TRPM3: variants seen among roughly 807,000 people sequenced by gnomAD.
The protein encoded by TRPM3 is long transient receptor potential channel 3.
Under a neutral mutation model 181.2 loss-of-function variants are expected in TRPM3, and 77 were observed. The observed-to-expected ratio is 0.42, with a 90% confidence interval of 0.35 to 0.51. TRPM3 has a LOEUF of 0.51. Ranked by LOEUF, TRPM3 falls within the 20% of genes least tolerant of loss-of-function variation. TRPM3 has a pLI of 0.01. For synonymous variants in TRPM3, 745 were observed against 796.4 expected (o/e 0.94, Z 1.09); for missense variants, 1,759 against 2,196.7 (o/e 0.80, Z 3.98).
At chr9:70,831,993 A>ATTTATATATATATATT (rs2093961368) in intron 5 of TRPM3, among the ~76,000 whole-genome samples, 1 of 92,686 alleles carries the variant, frequency 1.1e-5, no homozygotes, top group African/African-American at 4.8e-5. Flanking sequence ...ATATATATAT[A>ATTTATATATATATATT]TATACCTACT....
At chr9:70,893,637 TA>T (rs1351496757) in intron 1 of TRPM3, among the ~76,000 whole-genome samples, 1 of 151,200 alleles carries the variant, frequency 6.6e-6, no homozygotes, top group East Asian at 1.9e-4. Flanking sequence ...CCTATACTCC[TA>T]TCTACTGAAA....
intron 1 of TRPM3, among the ~76,000 whole-genome samples, chr9:71,372,485 C>T (rs2092546937): frequency 6.6e-6 from 1 of 152,164 alleles, no homozygotes; most frequent in South Asian, 2.1e-4. Context: ...TGCAACTTCA[C>T]CAGCACCTGT....
At position 71,279,043 on chromosome 9, in the gene TRPM3, ATAAAAATAAAAAT is replaced by A. The variant is rs1205116701; in HGVS notation, c.183+167597_183+167609del. On this transcript the variant is annotated intron_variant, in intron 1 of 24. Transcript: ENST00000357533. ...ACTTATCCTGCTTAGGTTAAAAAAA[ATAAAAATAAAAAT>A]AAAAATAAAAAAACCACCAACGACC... Among the ~76,000 whole-genome samples the A allele has an allele frequency of 1.3e-3, 175 of 138,066 alleles. 10 individuals carry two copies. Among genetic ancestry groups the A allele is most frequent in the Non-Finnish European group, 2.6e-4 (17 of 64,504 alleles). 90.6% of individuals were successfully genotyped at this position (138,066 alleles called of 152,430 possible).
chr9:71,104,158 C>T (rs1349432275), intron 1 of TRPM3, among the ~76,000 whole-genome samples: 5 of 152,112 alleles, frequency 3.3e-5, no homozygotes, highest in African/African-American at 1.2e-4. Context: ...TCAAGTGATC[C>T]ACCCACCTTG....
At chr9:71,399,731 C>A (rs2093297463) in intron 1 of TRPM3, among the ~76,000 whole-genome samples, 12 of 151,958 alleles carry the variant, frequency 7.9e-5, no homozygotes, top group Admixed American at 7.9e-4. Context: ...CAAGGTTTCA[C>A]CATGTTAGCC....
At chr9:70,549,112 T>C (rs1245324661) in intron 25 of TRPM3, among the ~76,000 whole-genome samples, 1 of 152,216 alleles carries the variant, frequency 6.6e-6, no homozygotes, top group Non-Finnish European at 1.5e-5. Flanking sequence ...CAGAAGGTGT[T>C]GGGCACCCAT....
chr9:71,144,867 C>T (rs1468242765), intron 1 of TRPM3, among the ~76,000 whole-genome samples: 4 of 152,062 alleles, frequency 2.6e-5, no homozygotes, highest in Non-Finnish European at 5.9e-5. Context: ...TTATTAAACT[C>T]TATTATATCC....
intron 5 of TRPM3, among the ~76,000 whole-genome samples, chr9:70,841,624 C>CTATATATATATATA (rs72421594): frequency 8.6e-4 from 63 of 72,888 alleles, no homozygotes; most frequent in Middle Eastern, 7.9e-3. Flanking sequence ...CTATATCCCA[C>CTATATATATATATA]TATATATATA....
At chr9:71,328,861 T>C (rs1252401978) in intron 1 of TRPM3, among the ~76,000 whole-genome samples, 1 of 152,250 alleles carries the variant, frequency 6.6e-6, no homozygotes, top group African/African-American at 2.4e-5. Flanking sequence ...CCTTCAATGC[T>C]GTCACAGAAA....
chr9:71,041,398 AC>A (rs542695046), intron 1 of TRPM3, among the ~76,000 whole-genome samples: 17 of 152,172 alleles, frequency 1.1e-4, no homozygotes, highest in African/African-American at 3.9e-4. Context: ...AACCATAATA[AC>A]CCTCTCTGTC....
chr9:71,164,562 T>G (rs910702564), intron 1 of TRPM3, among the ~76,000 whole-genome samples: 20 of 150,820 alleles, frequency 1.3e-4, no homozygotes, highest in African/African-American at 4.6e-4. Flanking sequence ...AAGAGAAGAG[T>G]GTGAGGGAGA....
chr9:70,825,032 T>C (rs2093463906), intron 6 of TRPM3: 2 of 152,174 alleles, frequency 1.3e-5, no homozygotes, highest in South Asian at 2.1e-4. Context: ...CATCCGACTT[T>C]GGGGGCTGAG....
At position 71,343,268 on chromosome 9, in the gene TRPM3, T is replaced by G. The variant is rs576848456; in HGVS notation, c.183+103385A>C. 1.1e-3 allele frequency among the ~76,000 whole-genome samples: 170 copies of G among 152,156 alleles called. 1 individual carries two copies. Among genetic ancestry groups the G allele is most frequent in the African/African-American group, 3.6e-3 (148 of 41,538 alleles). ...TGAATGCAAACAAAAATAAATGTAC[T>G]CAACTATATTTCACAATAATAAATA... On this transcript the variant is annotated intron_variant, in intron 1 of 24. Coordinates refer to the TRPM3 transcript ENST00000357533.
chr9:70,881,491 G>C (rs1364566807), intron 1 of TRPM3, among the ~76,000 whole-genome samples: 6 of 152,134 alleles, frequency 3.9e-5, no homozygotes, highest in Admixed American at 3.9e-4. Flanking sequence ...GTACCAGGCA[G>C]GCTGATTATG....
intron 17 of TRPM3, among the ~76,000 whole-genome samples, chr9:70,617,816 T>C (rs1415789914): frequency 6.6e-6 from 1 of 152,064 alleles, no homozygotes; most frequent in African/African-American, 2.4e-5. Context: ...AATACAAAAA[T>C]TAGCCAGGCA....
intron 1 of TRPM3, among the ~76,000 whole-genome samples, chr9:71,077,400 A>G (rs2063613180): frequency 6.6e-6 from 1 of 152,122 alleles, no homozygotes; most frequent in African/African-American, 2.4e-5. Flanking sequence ...AAGCTTCATC[A>G]TTTGACTCAT....
At chr9:71,018,769 G>A (rs2097810615) in intron 1 of TRPM3, among the ~76,000 whole-genome samples, 1 of 151,762 alleles carries the variant, frequency 6.6e-6, no homozygotes, top group African/African-American at 2.4e-5. Context: ...GACAGAAAAA[G>A]GGAGAATATT....
intron 1 of TRPM3, among the ~76,000 whole-genome samples, chr9:70,893,836 T>C (rs565436827): frequency 1.4e-4 from 21 of 152,294 alleles, no homozygotes; most frequent in African/African-American, 3.6e-4. Flanking sequence ...TTTTCTCCCA[T>C]AGAAGGCCTA....
intron 1 of TRPM3, among the ~76,000 whole-genome samples, chr9:71,324,779 C>T (rs1349559105): frequency 6.6e-6 from 1 of 151,850 alleles, no homozygotes; most frequent in Non-Finnish European, 1.5e-5. Flanking sequence ...TAGTATACCG[C>T]TCGGCCATTA....
Sources: gnomAD v4.1 joint callset for allele counts (sites outside exome capture counted in the v4.1 genomes callset) on GRCh38, gnomAD v4.1.1 for gene constraint, MANE v1.5 for transcripts, NCBI Gene and HGNC (gene_info 2026-07-23, HGNC 2026-07-21) for gene names.